Variants in ARHGAP32 observed in about 807,000 individuals in gnomAD.
ARHGAP32 encodes Rho GTPase activating protein 32, also known as rho GTPase-activating protein 32.
ARHGAP32 carries 51 observed loss-of-function variants against 186.5 expected under a neutral mutation model. The ratio of observed to expected loss-of-function variants is 0.27; its 90% confidence interval spans 0.22 to 0.35. The LOEUF is 0.35. Among genes scored for constraint, ARHGAP32 ranks in the 10% least tolerant of loss-of-function variants. The pLI is 1.00. For synonymous variants in ARHGAP32, 950 were observed against 964.3 expected, an observed-to-expected ratio of 0.99 and a Z score of 0.27; for missense variants, 2,186 against 2,623.5, an observed-to-expected ratio of 0.83 and a Z score of 3.64.
intron 2 of ARHGAP32, among the ~76,000 whole-genome samples, chr11:129,143,193 A>T (rs950781957): frequency 1.3e-5 from 2 of 151,784 alleles, no homozygotes; most frequent in Non-Finnish European, 2.9e-5. Flanking sequence ...ACACATAATG[A>T]ATTTCTGAAA....
chr11:129,074,964 C>T (rs183260274), intron 6 of ARHGAP32, among the ~76,000 whole-genome samples: 14 of 152,184 alleles, frequency 9.2e-5, no homozygotes, highest in African/African-American at 1.9e-4. Context: ...CAGTCATCAT[C>T]GCACAACGCA....
At chr11:129,242,804 T>G (rs1945036906) in intron 1 of ARHGAP32, among the ~76,000 whole-genome samples, 1 of 152,124 alleles carries the variant, frequency 6.6e-6, no homozygotes, top group Non-Finnish European at 1.5e-5. Context: ...TAAGATTTTT[T>G]TTTTGGACAC....
At chr11:129,116,173 T>C (rs1196083878) in intron 5 of ARHGAP32, among the ~76,000 whole-genome samples, 2 of 152,008 alleles carry the variant, frequency 1.3e-5, no homozygotes, top group Non-Finnish European at 2.9e-5. Context: ...GTGTCTGTAG[T>C]TGTGGGAAGC....
chr11:129,186,656 C>A lies in ARHGAP32; in HGVS notation c.116+5427G>T, dbSNP rs1408714310. 2.0e-5 allele frequency among the ~76,000 whole-genome samples: 3 copies of A among 152,026 alleles called. 1 individual carries two copies. Among genetic ancestry groups the A allele is most frequent in the Admixed American group, 2.0e-4 (3 of 15,256 alleles). On this transcript the variant is annotated intron_variant, in intron 1 of 22. Coordinates refer to ENST00000682385, the MANE Select transcript of ARHGAP32 (RefSeq NM_001378024.1). ...TACCAGAATATATAAGGAGCCCAAACAACTCTATAGGAAAAAATGTAATAA... is the reference window on the plus strand; with the variant it reads ...TACCAGAATATATAAGGAGCCCAAAAAACTCTATAGGAAAAAATGTAATAA...
chr11:129,224,349 T>C (rs1296555129), intron 1 of ARHGAP32, among the ~76,000 whole-genome samples: 1 of 152,150 alleles, frequency 6.6e-6, no homozygotes, highest in Non-Finnish European at 1.5e-5. Context: ...GAAAGGAACC[T>C]ACATTTATTG....
intron 12 of ARHGAP32, among the ~76,000 whole-genome samples, chr11:128,989,212 C>A (rs1179007723): frequency 2.0e-5 from 3 of 151,942 alleles, no homozygotes; most frequent in Non-Finnish European, 4.4e-5. Flanking sequence ...TCTGTCAGAT[C>A]CTATAACAAC....
intron 5 of ARHGAP32, among the ~76,000 whole-genome samples, chr11:129,098,520 A>G (rs993838294): frequency 6.0e-5 from 9 of 151,070 alleles, no homozygotes; most frequent in African/African-American, 2.2e-4. Context: ...CCGGGTTCAC[A>G]CCAATTCTCC....
chr11:129,083,271 T>C (rs927273919), intron 6 of ARHGAP32, among the ~76,000 whole-genome samples: 1 of 152,128 alleles, frequency 6.6e-6, no homozygotes, highest in Non-Finnish European at 1.5e-5. Context: ...TATAGGACAC[T>C]TGCCCACACA....
intron 12 of ARHGAP32, chr11:128,993,230 A>AT (rs1373421446): frequency 6.6e-6 from 1 of 152,164 alleles, no homozygotes; most frequent in African/African-American, 2.4e-5. Context: ...TTTAAAAAAA[A>AT]TTTTTATTTT....
At chr11:129,056,756 C>A (rs1016326927) in intron 10 of ARHGAP32, among the ~76,000 whole-genome samples, 1 of 152,140 alleles carries the variant, frequency 6.6e-6, no homozygotes, top group Non-Finnish European at 1.5e-5. Context: ...AGCAGAGCTG[C>A]AAATGCAGAC....
rs1945684171 is a variant in ARHGAP32, at chr11:128,980,726, G to A, written c.1803C>T (p.Ser601=). ...TGGTGGATGGAGAGGATACCAGGAG[G>A]GACTTGGGCCTTGATAGAGAAGCTT... ...EGAASLSRPK[S]LLVSSPSTKL... is the part of the protein sequence containing the mutation. Residue 601 remains serine, a synonymous_variant, in exon 18 of 23, where the codon TCC becomes TCT. Coordinates refer to ENST00000682385, the MANE Select transcript of ARHGAP32 (RefSeq NM_001378024.1). 4.3e-6 allele frequency: 7 copies of A among 1,611,612 alleles called. No individual in the cohort carries two copies. In the African/African-American group the frequency reaches 8.0e-5, roughly 18 times the overall value.
chr11:129,098,538 A>C (rs1335634930), intron 5 of ARHGAP32, among the ~76,000 whole-genome samples: 1 of 151,518 alleles, frequency 6.6e-6, no homozygotes, highest in Non-Finnish European at 1.5e-5. Flanking sequence ...TCCTGCCTCA[A>C]CCTCCTGAAT....
rs547869082 is a variant in ARHGAP32, at chr11:129,158,755, A to G, written c.225+5564T>C. Among the ~76,000 whole-genome samples, 10 of 152,358 alleles carry G rather than the reference A, an allele frequency of 6.6e-5. No homozygotes were observed. The East Asian group carries it at 1.7e-3, about 26-fold the overall frequency. ...CTCTCCACTCCCAAATCAACAGACT[A>G]TACATTCTTCTCAGCACCATATCGC... On this transcript the variant is annotated intron_variant, in intron 2 of 22. Coordinates refer to ENST00000682385, the MANE Select transcript of ARHGAP32 (RefSeq NM_001378024.1).
chr11:129,083,232 G>A (rs538697084), intron 6 of ARHGAP32, among the ~76,000 whole-genome samples: 2 of 152,290 alleles, frequency 1.3e-5, no homozygotes, highest in South Asian at 2.1e-4. Flanking sequence ...TCCCACTACT[G>A]GGTATCTACT....
intron 1 of ARHGAP32, among the ~76,000 whole-genome samples, chr11:129,220,748 T>C (rs1213373006): frequency 6.6e-6 from 1 of 152,212 alleles, no homozygotes; most frequent in African/African-American, 2.4e-5. Context: ...AACTTGTAGG[T>C]GATTCTCTTA....
chr11:129,092,385 T>C (rs1183999011), intron 6 of ARHGAP32, among the ~76,000 whole-genome samples: 1 of 151,956 alleles, frequency 6.6e-6, no homozygotes, highest in Non-Finnish European at 1.5e-5. Context: ...ATACCAACGA[T>C]GTACTCTAGA....
chr11:129,138,836 C>T (rs1240104372), intron 2 of ARHGAP32, among the ~76,000 whole-genome samples: 1 of 152,098 alleles, frequency 6.6e-6, no homozygotes, highest in East Asian at 1.9e-4. Flanking sequence ...AGATGTTCAA[C>T]ATAATCACAG....
At position 129,123,566 on chromosome 11, in the gene ARHGAP32, GAAACAGTA is replaced by G; in HGVS notation, c.360-44_360-37del. 1 of 1,563,050 alleles carries G rather than the reference GAAACAGTA, an allele frequency of 6.4e-7. No individual in the cohort carries two copies. Among genetic ancestry groups the G allele is most frequent in the African/African-American group, 1.4e-5 (1 of 73,862 alleles). On this transcript the variant is annotated intron_variant, in intron 4 of 22. Coordinates refer to ENST00000682385, the MANE Select transcript of ARHGAP32 (RefSeq NM_001378024.1). The surrounding 1 kb of genome is among the most constrained non-coding windows in gnomAD (Gnocchi z 4.6). ...TGAAATAAATAAGAAACGAGATAGT[GAAACAGTA>G]AAAATTACTAAGTTTAAGGGAAAAA...
At chr11:129,226,380 TCAC>T (rs1944782409) in intron 1 of ARHGAP32, among the ~76,000 whole-genome samples, 1 of 152,060 alleles carries the variant, frequency 6.6e-6, no homozygotes, top group South Asian at 2.1e-4. Flanking sequence ...AAGTGACACA[TCAC>T]ATACAAGGGA....
Sources: gnomAD v4.1 joint callset for allele counts (sites outside exome capture counted in the v4.1 genomes callset) on GRCh38, gnomAD v4.1.1 for gene constraint, Gnocchi (gnomAD v3.1) non-coding constraint, MANE v1.5 for transcripts, NCBI Gene and HGNC (gene_info 2026-07-23, HGNC 2026-07-21) for gene names.